The following SHANK2 variants were observed in gnomAD, a reference collection of about 807,000 sequenced individuals.
The protein encoded by SHANK2 is SH3 and multiple ankyrin repeat domains 2, also known as SH3 and multiple ankyrin repeat domains protein 2.
SHANK2 carries 43 observed loss-of-function variants against 133.7 expected under a neutral mutation model. That is an observed-to-expected ratio of 0.32 (90% CI 0.25 to 0.41). The LOEUF is 0.41. Ranked by LOEUF, SHANK2 falls within the 10% of genes least tolerant of loss-of-function variation. SHANK2 has a pLI of 1.00. For missense variants in SHANK2, 1,994 were observed against 2,235.8 expected (o/e 0.89, Z 2.18); for synonymous variants, 1,017 against 952.8 (o/e 1.07, Z -1.24).
At chr11:70,824,233 C>T (rs1212872593) in intron 11 of SHANK2, among the ~76,000 whole-genome samples, 1 of 152,054 alleles carries the variant, frequency 6.6e-6, no homozygotes, top group Non-Finnish European at 1.5e-5. Flanking sequence ...TAGAGCCAAG[C>T]CTGGGGAGCC....
intron 11 of SHANK2, among the ~76,000 whole-genome samples, chr11:70,892,029 G>A (rs528059239): frequency 6.6e-5 from 10 of 152,294 alleles, no homozygotes; most frequent in South Asian, 2.1e-4. Context: ...GATGTCTCTC[G>A]AAAGCTCAGA....
chr11:70,628,408 C>T (rs955259233), intron 17 of SHANK2, among the ~76,000 whole-genome samples: 3 of 152,080 alleles, frequency 2.0e-5, no homozygotes, highest in Middle Eastern at 3.2e-3. Context: ...AACACATGTG[C>T]CCCCCTCTGT....
chr11:70,927,876 G>A (rs943168234), intron 10 of SHANK2, among the ~76,000 whole-genome samples: 3 of 152,146 alleles, frequency 2.0e-5, no homozygotes, highest in African/African-American at 7.2e-5. Flanking sequence ...GAGGAAGGGG[G>A]CATTAGCTCT....
chr11:70,899,169 T>C (rs907879558), intron 10 of SHANK2, among the ~76,000 whole-genome samples: 2 of 152,058 alleles, frequency 1.3e-5, no homozygotes, highest in Non-Finnish European at 2.9e-5. Context: ...TATCTTGAAT[T>C]ATAATCCCCA....
intron 17 of SHANK2, among the ~76,000 whole-genome samples, chr11:70,519,071 G>A (rs1554970554): frequency 6.6e-6 from 1 of 152,034 alleles, no homozygotes; most frequent in Non-Finnish European, 1.5e-5. Flanking sequence ...CACCACACTG[G>A]GCTAATTTTT....
intron 5 of SHANK2, among the ~76,000 whole-genome samples, chr11:71,110,776 T>A (rs1018743340): frequency 1.3e-5 from 2 of 152,128 alleles, no homozygotes; most frequent in Non-Finnish European, 2.9e-5. Flanking sequence ...CCTGGATGAA[T>A]GTTTAAAATC....
At chr11:70,798,310 T>C (rs1323574532) in intron 14 of SHANK2, 133 bp downstream of exon 14, 2 of 671,356 alleles carry the variant, frequency 3.0e-6, no homozygotes, top group Non-Finnish European at 5.5e-6. Context: ...TCCAAAGATC[T>C]AGAAAGTCCT....
chr11:70,845,237 A>G (rs1271416053), intron 11 of SHANK2, among the ~76,000 whole-genome samples: 1 of 151,790 alleles, frequency 6.6e-6, no homozygotes, highest in African/African-American at 2.4e-5. Context: ...AAAGAAAGAA[A>G]AGAAAAGAAA....
intron 2 of SHANK2, among the ~76,000 whole-genome samples, chr11:71,154,895 C>T (rs1338860271): frequency 8.4e-6 from 1 of 118,496 alleles, no homozygotes; most frequent in Non-Finnish European, 1.8e-5. Context: ...GACCTACCCC[C>T]GCCCACACTC....
intron 14 of SHANK2, among the ~76,000 whole-genome samples, chr11:70,751,407 A>G (rs1346673919): frequency 6.6e-6 from 1 of 152,262 alleles, no homozygotes; most frequent in East Asian, 1.9e-4. Flanking sequence ...GCAGGATTCT[A>G]TACCCAGTGA....
chr11:71,090,704 G>A (rs1315061797), intron 8 of SHANK2, among the ~76,000 whole-genome samples: 3 of 151,370 alleles, frequency 2.0e-5, no homozygotes, highest in South Asian at 2.1e-4. Context: ...GTATATGCAC[G>A]CAGAGAATTT....
At chr11:70,489,217 G>T in intron 24 of SHANK2, 111 bp downstream of exon 24, 1 of 1,071,214 alleles carries the variant, frequency 9.3e-7, no homozygotes, top group Non-Finnish European at 1.5e-6. Context: ...GTCACTCTGA[G>T]TTGGCTGTCT....
intron 10 of SHANK2, among the ~76,000 whole-genome samples, chr11:70,946,736 G>A (rs1159862086): frequency 1.5e-4 from 21 of 143,092 alleles, no homozygotes; most frequent in Middle Eastern, 4.4e-3. Context: ...CCCTTCCCTA[G>A]GCTCAACCTC....
chr11:70,613,258 C>G (rs1433370385), intron 17 of SHANK2, among the ~76,000 whole-genome samples: 1 of 151,714 alleles, frequency 6.6e-6, no homozygotes, highest in Middle Eastern at 3.2e-3. Context: ...GGCTGGAGTA[C>G]AGTGGTGCGA....
rs143696613 is a variant in SHANK2 at position 70,549,717 on chromosome 11, T to A, written c.2062-46786A>T. On this transcript the variant is annotated intron_variant, in intron 17 of 25. Coordinates refer to ENST00000601538, the MANE Select transcript of SHANK2 (RefSeq NM_012309.5). ...CGAATGTATTAGGACCTCGAAGGAA[T>A]CTTCAGCCCTGTTGGAATTCATGCC... Among the ~76,000 whole-genome samples the A allele has an allele frequency of 9.7e-3, 1,474 of 152,330 alleles. 9 individuals are homozygous for A. Among genetic ancestry groups the A allele is most frequent in the Non-Finnish European group, 0.016 (1,097 of 68,018 alleles).
At chr11:70,661,926 C>T in intron 15 of SHANK2, 1 of 968,812 alleles carries the variant, frequency 1.0e-6, no homozygotes, top group Admixed American at 2.0e-5. Flanking sequence ...CCGGAGCCAG[C>T]CGGAGGAAGG....
chr11:70,494,731 C>T (rs777510700), intron 21 of SHANK2, among the ~76,000 whole-genome samples: 5 of 152,226 alleles, frequency 3.3e-5, no homozygotes, highest in East Asian at 1.9e-4. Flanking sequence ...GCCTGGACCA[C>T]GTTTCCAGTT....
intron 14 of SHANK2, among the ~76,000 whole-genome samples, chr11:70,753,935 C>T (rs1438668776): frequency 6.6e-6 from 1 of 151,728 alleles, no homozygotes; most frequent in South Asian, 2.1e-4. Flanking sequence ...CCTCAGCCTC[C>T]TCAGCAGCTA....
At chr11:70,621,756 TG>T (rs2060832050) in intron 17 of SHANK2, among the ~76,000 whole-genome samples, 3 of 152,060 alleles carry the variant, frequency 2.0e-5, no homozygotes, top group Admixed American at 2.0e-4. Context: ...TGGGGAAGAA[TG>T]ATGGAGATAC....
Sources: allele counts gnomAD v4.1 joint callset (sites outside exome capture counted in the v4.1 genomes callset), GRCh38; gene constraint gnomAD v4.1.1; transcripts MANE v1.5; gene names NCBI Gene and HGNC (gene_info 2026-07-23, HGNC 2026-07-21).